Variants in SIPA1L3 observed in about 807,000 individuals in gnomAD.
SIPA1L3 encodes the protein signal-induced proliferation-associated 1-like protein 3.
Under a neutral mutation model 150.1 loss-of-function variants are expected in SIPA1L3, and 59 were observed. The observed-to-expected ratio is 0.39, with a 90% CI of 0.32 to 0.49. The LOEUF (loss-of-function observed/expected upper bound fraction) is 0.49, where lower values mean the gene tolerates loss of function less well. Among genes scored for constraint, SIPA1L3 ranks in the 20% least tolerant of loss-of-function variants. The pLI is 0.86. For missense variants in SIPA1L3, 2,211 were observed against 2,489.5 expected (o/e 0.89, Z 2.38); for synonymous variants, 1,070 against 1,077.6 (o/e 0.99, Z 0.14).
At position 38,164,865 on chromosome 19, in the gene SIPA1L3, G is replaced by A. The variant is rs756539612; in HGVS notation, c.4167G>A (p.Thr1389=). ...KLYSSGSSTP[T]GLAGGSRDPP... ...ACTCCTCCGGCTCCAGCACCCCCACGGGACTGGCGGGGGGCAGCCGAGACC... is the reference window on the plus strand; with the variant it reads ...ACTCCTCCGGCTCCAGCACCCCCACAGGACTGGCGGGGGGCAGCCGAGACC... The change falls in exon 15 of 22, where the codon ACG becomes ACA. Residue 1389 remains threonine (T), a synonymous_variant. Transcript: ENST00000222345. This position sits in a 1 kb window ranked among gnomAD's most constrained non-coding sequence, Gnocchi z 4.1. 20 of 1,573,650 alleles carry A rather than the reference G, an allele frequency of 1.3e-5. No homozygotes were observed. The East Asian group carries it at 2.5e-4, about 20-fold the overall frequency.
At chr19:37,954,878 G>A (rs1259956429) in intron 1 of SIPA1L3, among the ~76,000 whole-genome samples, 1 of 152,106 alleles carries the variant, frequency 6.6e-6, no homozygotes, top group Non-Finnish European at 1.5e-5. Context: ...CTTGAGGCCA[G>A]GAGTTCGAGA....
At chr19:38,058,258 A>G (rs1969368530) in intron 2 of SIPA1L3, among the ~76,000 whole-genome samples, 1 of 152,190 alleles carries the variant, frequency 6.6e-6, no homozygotes, top group Non-Finnish European at 1.5e-5. Context: ...GGGCTTGAGA[A>G]GAGCTTCACA....
chr19:38,193,920 A>T, intron 18 of SIPA1L3, 140 bp downstream of exon 18: 1 of 1,015,944 alleles, frequency 9.8e-7, no homozygotes, highest in South Asian at 1.9e-5. Context: ...TGGGGTTCAC[A>T]GGAACTTCGG....
chr19:38,146,509 C>T (rs1971706289), intron 12 of SIPA1L3, among the ~76,000 whole-genome samples: 1 of 152,108 alleles, frequency 6.6e-6, no homozygotes, highest in African/African-American at 2.4e-5. Context: ...AATATTCATG[C>T]GGTGAACATG....
At position 38,101,180 on chromosome 19, in the gene SIPA1L3, C is replaced by G; in HGVS notation, c.1983C>G (p.Val661=). The G allele has an allele frequency of 6.2e-7, 1 of 1,605,636 alleles. No individual in the cohort carries two copies. The highest frequency in any genetic ancestry group is 8.5e-7 in the Non-Finnish European group (1 of 1,176,534). ...EEFLSLIGEK[V]CLKGFTKYAA... is the part of the protein sequence containing the mutation. ...TCCTCTCCCTCATCGGCGAGAAGGT[C>G]TGCCTGAAGGGCTTCACCAAGTACG... Residue 661 remains valine, a synonymous_variant, in exon 6 of 22, where the codon GTC becomes GTG. Transcript: ENST00000222345.
chr19:38,027,871 C>G (rs1184114965), intron 1 of SIPA1L3, among the ~76,000 whole-genome samples: 2 of 152,022 alleles, frequency 1.3e-5, no homozygotes, highest in African/African-American at 4.8e-5. Context: ...TAGTGGGTCC[C>G]TTATGAATTC....
At chr19:38,121,403 G>T (rs1213504035) in intron 9 of SIPA1L3, among the ~76,000 whole-genome samples, 2 of 149,600 alleles carry the variant, frequency 1.3e-5, no homozygotes, top group Non-Finnish European at 3.0e-5. Context: ...ACGCCACTGC[G>T]CTCCAGCCTG....
intron 1 of SIPA1L3, among the ~76,000 whole-genome samples, chr19:38,008,044 G>A (rs1568499637): frequency 6.6e-6 from 1 of 152,094 alleles, no homozygotes; most frequent in Non-Finnish European, 1.5e-5. Flanking sequence ...ATGAGTGCAT[G>A]TTGAATGAAT....
intron 2 of SIPA1L3, among the ~76,000 whole-genome samples, chr19:38,060,455 G>A (rs906127936): frequency 3.3e-5 from 5 of 152,156 alleles, no homozygotes; most frequent in Admixed American, 1.3e-4. Context: ...AAAGGATCAC[G>A]TTCAGTAAAT....
intron 1 of SIPA1L3, among the ~76,000 whole-genome samples, chr19:37,916,493 TAAAAAAAAAAAAA>T (rs911159767): frequency 7.7e-5 from 7 of 90,792 alleles, no homozygotes; most frequent in African/African-American, 3.0e-4. Context: ...ACTCTGTGTC[TAAAAAAAAAAAAA>T]AAAAAAAAAG....
In SIPA1L3 at chr19:38,065,411, C is replaced by CT. The variant is rs10718226; in HGVS notation, c.-310-15824dup. Among the ~76,000 whole-genome samples, 2,524 of 122,350 alleles carry CT rather than the reference C, an allele frequency of 0.021. 227 individuals carry two copies. In the East Asian group the frequency reaches 0.25, roughly 12 times the overall value. 80.3% of individuals were successfully genotyped at this position (122,350 alleles called of 152,430 possible). A position where few individuals can be genotyped will look rare whatever the true frequency, so the allele number is the denominator to read the frequency against. ...GCTCATGTTTTCCCTCACATGCTGA[C>CT]TTTTTTTTTTTTTTTTTTTTTAAGA... On this transcript the variant is annotated intron_variant, in intron 2 of 21. Coordinates refer to ENST00000222345, the MANE Select transcript of SIPA1L3 (RefSeq NM_015073.3).
chr19:38,062,680 C>G (rs1969474675), intron 2 of SIPA1L3, among the ~76,000 whole-genome samples: 1 of 151,918 alleles, frequency 6.6e-6, no homozygotes, highest in South Asian at 2.1e-4. Flanking sequence ...AGTGGCACTA[C>G]AGTGATCTCA....
chr19:38,201,852 T>G lies in SIPA1L3; in HGVS notation c.4985-10T>G. 6.2e-7 allele frequency: 1 copy of G among 1,603,142 alleles called. No individual in the cohort carries two copies. The highest frequency in any genetic ancestry group is 8.5e-7 in the Non-Finnish European group (1 of 1,175,208). On this transcript the variant is annotated splice_polypyrimidine_tract_variant and intron_variant, in intron 19 of 21. Coordinates refer to ENST00000222345, the MANE Select transcript of SIPA1L3 (RefSeq NM_015073.3). ...TGCTGACCCCTCTCCTCCTCCTCCC[T>G]CCCTGGCAGTGCAAAGAGCCGTCTC...
intron 10 of SIPA1L3, among the ~76,000 whole-genome samples, chr19:38,133,679 G>A (rs1256618504): frequency 6.6e-6 from 1 of 152,148 alleles, no homozygotes; most frequent in Non-Finnish European, 1.5e-5. Flanking sequence ...GGAGAGGCAG[G>A]CTGTCTAGGT....
chr19:37,957,313 A>T (rs969245872), intron 1 of SIPA1L3, among the ~76,000 whole-genome samples: 4 of 152,206 alleles, frequency 2.6e-5, no homozygotes, highest in African/African-American at 9.6e-5. Flanking sequence ...ATCTGCACAA[A>T]AGCCTGCTGG....
At chr19:37,928,671 G>A (rs1057062178) in intron 1 of SIPA1L3, among the ~76,000 whole-genome samples, 2 of 152,178 alleles carry the variant, frequency 1.3e-5, no homozygotes, top group Non-Finnish European at 2.9e-5. Context: ...GTAAGTTCCT[G>A]ATTCTGTAAG....
At position 38,082,663 on chromosome 19, in the gene SIPA1L3, G is replaced by C. The variant is rs752523208; in HGVS notation, c.1098G>C (p.Arg366=). 5 of 1,608,222 alleles carry C rather than the reference G, an allele frequency of 3.1e-6. No homozygotes were observed. The highest frequency in any genetic ancestry group is 4.2e-6 in the Non-Finnish European group (5 of 1,179,530). The part of the protein sequence containing the change: ...AANRVSVSQR[R]NTTTGASAAS... Reference sequence around the variant, plus strand: ...ACAGGGTGTCGGTGTCGCAGCGGCGGAACACCACCACGGGTGCTTCGGCCG... The same window carrying C: ...ACAGGGTGTCGGTGTCGCAGCGGCGCAACACCACCACGGGTGCTTCGGCCG... The change falls in exon 3 of 22, where the codon CGG becomes CGC. Residue 366 remains arginine, a synonymous_variant. Coordinates refer to ENST00000222345, the MANE Select transcript of SIPA1L3 (RefSeq NM_015073.3).
chr19:38,164,348 C>A lies in SIPA1L3; in HGVS notation c.3781-131C>A. On this transcript the variant is annotated intron_variant, in intron 14 of 21. Coordinates refer to ENST00000222345, the MANE Select transcript of SIPA1L3 (RefSeq NM_015073.3). This position sits in a 1 kb window ranked among gnomAD's most constrained non-coding sequence, Gnocchi z 4.1. ...AATCACTTGCCCAAGGTAACACGGC[C>A]AGTAGATGAGAAGCCAGGATTTGAA... 1 of 834,040 alleles carries A rather than the reference C, an allele frequency of 1.2e-6. No homozygotes were observed. The highest frequency in any genetic ancestry group is 1.9e-6 in the Non-Finnish European group (1 of 521,114). The allele number at this position is 834,040 out of a possible 1,614,324, so 51.7% of individuals were successfully genotyped here. A position where few individuals can be genotyped will look rare whatever the true frequency, so the allele number is the denominator to read the frequency against.
intron 4 of SIPA1L3, among the ~76,000 whole-genome samples, chr19:38,093,988 C>T (rs1970321866): frequency 1.3e-5 from 2 of 152,284 alleles, no homozygotes; most frequent in South Asian, 4.1e-4. Flanking sequence ...TGTGTGGCAC[C>T]CCCCCACAAG....
Sources: gnomAD v4.1 joint callset for allele counts (sites outside exome capture counted in the v4.1 genomes callset) on GRCh38, gnomAD v4.1.1 for gene constraint, Gnocchi (gnomAD v3.1) non-coding constraint, MANE v1.5 for transcripts, NCBI Gene and HGNC (gene_info 2026-07-23, HGNC 2026-07-21) for gene names.